HMG20A: variants seen among roughly 807,000 people sequenced by gnomAD.
HMG20A encodes high mobility group protein 20A.
In HMG20A, 17 loss-of-function variants were observed where a neutral mutation model predicts 43.9. The observed-to-expected ratio is 0.39, with a 90% CI of 0.27 to 0.58. The LOEUF is 0.58. HMG20A is among the 20% of genes least tolerant of loss of function. HMG20A has a pLI of 0.59. For synonymous variants in HMG20A, 132 were observed against 147.5 expected, an observed-to-expected ratio of 0.89 and a Z score of 0.76; for missense variants, 341 against 438.2, an observed-to-expected ratio of 0.78 and a Z score of 1.98.
chr15:77,508,725 G>A, the HMG20A span, among the ~76,000 whole-genome samples: 6 of 152,224 alleles, frequency 3.9e-5, no homozygotes, highest in South Asian at 4.1e-4. Context: ...AGCAGGGCAC[G>A]CCCCAAATGA....
chr15:77,473,056 G>C (rs977838182), intron 6 of HMG20A, among the ~76,000 whole-genome samples: 5 of 152,186 alleles, frequency 3.3e-5, no homozygotes, highest in African/African-American at 4.8e-5. Flanking sequence ...TTTTACATGT[G>C]TTTGGTTTTT....
At chr15:77,496,005 T>C in the HMG20A span, among the ~76,000 whole-genome samples, 648 of 152,246 alleles carry the variant, frequency 4.3e-3, 6 homozygotes, top group South Asian at 0.026. Context: ...GGCTTCCTCT[T>C]GCAATCCCAG....
chr15:77,488,461 G>C (rs2072956691), downstream of HMG20A, among the ~76,000 whole-genome samples: 1 of 152,144 alleles, frequency 6.6e-6, no homozygotes, highest in Non-Finnish European at 1.5e-5. Context: ...AATTTTTAGA[G>C]AGTGAAAAAG....
chr15:77,471,568 T>C (rs2072808664), intron 5 of HMG20A, among the ~76,000 whole-genome samples: 1 of 152,216 alleles, frequency 6.6e-6, no homozygotes. Context: ...GAACTGTGTC[T>C]GCTGTTTCTC....
At chr15:77,428,439 A>G (rs1390419295) in intron 1 of HMG20A, among the ~76,000 whole-genome samples, 1 of 152,256 alleles carries the variant, frequency 6.6e-6, no homozygotes, top group Non-Finnish European at 1.5e-5. Context: ...TTAACAGGAT[A>G]TTCATCACAA....
intron 9 of HMG20A, 70 bp downstream of exon 9, chr15:77,479,391 A>G (rs977874418): frequency 7.0e-7 from 1 of 1,430,868 alleles, no homozygotes; most frequent in African/African-American, 1.4e-5. Context: ...AGACTTTATC[A>G]ATACTACTAA....
At chr15:77,435,301 T>C (rs550696346) in intron 1 of HMG20A, among the ~76,000 whole-genome samples, 1 of 152,282 alleles carries the variant, frequency 6.6e-6, no homozygotes, top group East Asian at 1.9e-4. Flanking sequence ...GTCTATTTAT[T>C]TTGGAGACAG....
At chr15:77,486,364 G>T (rs975159500), downstream of HMG20A, among the ~76,000 whole-genome samples, 2 of 150,864 alleles carry the variant, frequency 1.3e-5, no homozygotes, top group South Asian at 4.2e-4. Context: ...AGTTTCAAGC[G>T]ATTCTCCTGC....
chr15:77,423,837 T>C (rs1346149443), intron 1 of HMG20A, among the ~76,000 whole-genome samples: 1 of 152,210 alleles, frequency 6.6e-6, no homozygotes, highest in Non-Finnish European at 1.5e-5. Context: ...GGGTTGAGGA[T>C]TAAAGAAAGT....
chr15:77,477,995 A>G (rs1046324464), intron 7 of HMG20A: 3 of 496,950 alleles, frequency 6.0e-6, no homozygotes, highest in African/African-American at 3.9e-5. Flanking sequence ...AAAACCCCTC[A>G]GGCTTCTGAT....
chr15:77,474,616 G>C (rs1851533759), intron 6 of HMG20A, among the ~76,000 whole-genome samples: 2 of 152,322 alleles, frequency 1.3e-5, no homozygotes, highest in East Asian at 3.9e-4. Flanking sequence ...TATTTGGTTT[G>C]TGTATAGTAA....
chr15:77,514,428 A>G, the HMG20A span, among the ~76,000 whole-genome samples: 97,376 of 152,090 alleles, frequency 0.64, 31,784 homozygotes, highest in Non-Finnish European at 0.71. Context: ...AAGATCTCGG[A>G]GATACTGAAA....
intron 1 of HMG20A, among the ~76,000 whole-genome samples, chr15:77,433,600 A>G (rs1233504859): frequency 6.6e-6 from 1 of 152,238 alleles, no homozygotes; most frequent in East Asian, 1.9e-4. Context: ...AAAAGAATCT[A>G]TAGACAAACT....
chr15:77,516,055 G>T, the HMG20A span, among the ~76,000 whole-genome samples: 8 of 152,282 alleles, frequency 5.3e-5, no homozygotes, highest in African/African-American at 1.4e-4. Context: ...ACACACAGAG[G>T]GGGAAAGCCT....
At chr15:77,471,715 C>T (rs554793777) in intron 5 of HMG20A, 68 bp from the exon 6 acceptor site, 4 of 944,910 alleles carry the variant, frequency 4.2e-6, no homozygotes, top group Admixed American at 1.9e-5. Context: ...TTGGCAGAGT[C>T]GTATACTTGG....
chr15:77,435,849 C>T (rs1309415533), intron 1 of HMG20A, among the ~76,000 whole-genome samples: 1 of 150,888 alleles, frequency 6.6e-6, no homozygotes, highest in Non-Finnish European at 1.5e-5. Context: ...TAGTCTGACA[C>T]CACGCATTCC....
At chr15:77,469,114 A>C (rs1212296888) in intron 4 of HMG20A, among the ~76,000 whole-genome samples, 2 of 151,758 alleles carry the variant, frequency 1.3e-5, no homozygotes, top group Non-Finnish European at 2.9e-5. Flanking sequence ...TGTGTTCTCA[A>C]TATGTCACAT....
intron 7 of HMG20A, chr15:77,478,067 T>A (rs1020564856): frequency 1.8e-6 from 1 of 571,278 alleles, no homozygotes; most frequent in African/African-American, 1.9e-5. Flanking sequence ...AACTGTTTGT[T>A]GCAATCTTAT....
chr15:77,454,540 A>T (rs986510688), intron 1 of HMG20A, among the ~76,000 whole-genome samples: 25 of 152,212 alleles, frequency 1.6e-4, no homozygotes, highest in African/African-American at 6.0e-4. Flanking sequence ...TCCTAAGAAC[A>T]TACAAAGTGA....
Sources: allele counts gnomAD v4.1 joint callset (sites outside exome capture counted in the v4.1 genomes callset), GRCh38; gene constraint gnomAD v4.1.1; transcripts MANE v1.5; gene names NCBI Gene and HGNC (gene_info 2026-07-23, HGNC 2026-07-21).